Variants in GABBR1 observed in about 807,000 individuals in gnomAD.
GABBR1 encodes the protein GABA-B receptor, R1 subunit.
A neutral mutation model predicts 117.7 loss-of-function variants in GABBR1; 35 were observed. The ratio of observed to expected loss-of-function variants is 0.30; its 90% CI spans 0.23 to 0.39. The LOEUF (loss-of-function observed/expected upper bound fraction) is 0.39. GABBR1 is among the 10% of genes least tolerant of loss of function. The pLI is 1.00. For synonymous variants in GABBR1, 442 were observed against 486.6 expected (o/e 0.91, Z 1.21); for missense variants, 709 against 1,241.8 (o/e 0.57, Z 6.45).
At position 29,623,113 on chromosome 6, in the gene GABBR1, A is replaced by G. The variant is rs1019502018; in HGVS notation, c.963+192T>C. Among the ~76,000 whole-genome samples, 4 of 152,128 alleles carry G rather than the reference A, an allele frequency of 2.6e-5. No homozygotes were observed. The highest frequency in any genetic ancestry group is 5.9e-5 in the Non-Finnish European group (4 of 68,032). On this transcript the variant is annotated intron_variant, in intron 8 of 22. Transcript: ENST00000377034. The surrounding 1 kb of genome is among the most constrained non-coding windows in gnomAD (Gnocchi z 6.2). ...GGAAAAAAATCATAAAATCATAAAG[A>G]CAGAGAGGATCCCAAAAACTCAACT...
rs1475941183 is a variant in GABBR1, at chr6:29,627,155, T to C, written c.657+331A>G. On this transcript the variant is annotated intron_variant, in intron 6 of 22. Coordinates refer to ENST00000377034, the MANE Select transcript of GABBR1 (RefSeq NM_001470.4). This position sits in a 1 kb window ranked among gnomAD's most constrained non-coding sequence, Gnocchi z 4.4. ...CCAACCCATTCCAGGGTTAGTTTAC[T>C]CCCTCAGAGGATCAGTGTCTCCTAA... 3.3e-5 allele frequency among the ~76,000 whole-genome samples: 5 copies of C among 152,234 alleles called. No homozygotes were observed. The East Asian group carries it at 9.7e-4, about 30-fold the overall frequency.
rs1274768535 is a variant in GABBR1 at position 29,627,660 on chromosome 6, CG to C, written c.497-15del. 3.2e-6 allele frequency: 5 copies of C among 1,540,534 alleles called. No individual in the cohort carries two copies. Among genetic ancestry groups the C allele is most frequent in the African/African-American group, 1.4e-5 (1 of 73,136 alleles). On this transcript the variant is annotated splice_polypyrimidine_tract_variant and intron_variant, in intron 5 of 22. Transcript: ENST00000377034. The surrounding 1 kb of genome is among the most constrained non-coding windows in gnomAD (Gnocchi z 4.4). ...CTGCGCGCCGTTCTGAGGAGGGGTGCGGGGGGACCCGCGAGTGAGGCCGCGG... is the reference window on the plus strand; with the variant it reads ...CTGCGCGCCGTTCTGAGGAGGGGTGCGGGGGACCCGCGAGTGAGGCCGCGG...
chr6:29,606,135 C>G lies in GABBR1; in HGVS notation c.2311+256G>C, dbSNP rs779074304. On this transcript the variant is annotated intron_variant, in intron 19 of 22. Transcript: ENST00000377034. This position sits in a 1 kb window ranked among gnomAD's most constrained non-coding sequence, Gnocchi z 4.5. Reference sequence around the variant, plus strand: ...TCAAGTCTGGAGGTGGGGTTACCCCCACTTGTTCCTCTGCTGAACACAAGT... The same window carrying G: ...TCAAGTCTGGAGGTGGGGTTACCCCGACTTGTTCCTCTGCTGAACACAAGT... 2 of 561,014 alleles carry G rather than the reference C, an allele frequency of 3.6e-6. No individual in the cohort carries two copies. The highest frequency in any genetic ancestry group is 2.8e-5 in the East Asian group (1 of 35,442). The allele number at this position is 561,014 out of a possible 1,614,324, so 34.8% of individuals were successfully genotyped here. A position where few individuals can be genotyped will look rare whatever the true frequency, so the allele number is the denominator to read the frequency against.
intron 4 of GABBR1, chr6:29,629,323 A>G: frequency 1.5e-6 from 1 of 687,882 alleles, no homozygotes; most frequent in Non-Finnish European, 2.7e-6. Flanking sequence ...TCATAGGACA[A>G]CAGAATTTGA....
At position 29,602,363 on chromosome 6, in the gene GABBR1, T is replaced by C. The variant is rs1048510528; in HGVS notation, c.*1180A>G. ...TCCCAACAGTCAAGGGTGCCTTCCT[T>C]TGGTCAGGATTCTCATCAACTATCC... is the stretch of plus-strand genomic sequence containing the variant. On this transcript the variant is annotated 3_prime_UTR_variant, in exon 23 of 23. Transcript: ENST00000377034. The C allele has an allele frequency of 5.8e-5, 9 of 154,516 alleles. No homozygotes were observed. The highest frequency in any genetic ancestry group is 1.3e-4 in the Non-Finnish European group (9 of 69,566). 9.6% of individuals were successfully genotyped at this position (154,516 alleles called of 1,614,324 possible).
Position 29,603,723 on chromosome 6 carries a change from G to A in GABBR1, c.2713-7C>T. On this transcript the variant is annotated splice_region_variant and splice_polypyrimidine_tract_variant and intron_variant, in intron 22 of 22. Coordinates refer to ENST00000377034, the MANE Select transcript of GABBR1 (RefSeq NM_001470.4). ...CAGAGACACGCTCCTCTTTCTGGAGGAAGAAGCACAATTGGGATAGTAGGA... is the reference window on the plus strand; with the variant it reads ...CAGAGACACGCTCCTCTTTCTGGAGAAAGAAGCACAATTGGGATAGTAGGA... 1 of 1,479,102 alleles carries A rather than the reference G, an allele frequency of 6.8e-7. No individual in the cohort carries two copies. The highest frequency in any genetic ancestry group is 8.9e-7 in the Non-Finnish European group (1 of 1,117,444). The allele number at this position is 1,479,102 out of a possible 1,614,324, so 91.6% of individuals were successfully genotyped here. A position where few individuals can be genotyped will look rare whatever the true frequency, so the allele number is the denominator to read the frequency against.
At position 29,604,541 on chromosome 6, in the gene GABBR1, G is replaced by T. The variant is rs1439541952; in HGVS notation, c.2665C>A (p.Arg889=). Residue 889 remains arginine, a synonymous_variant, in exon 22 of 23, where the codon CGG becomes AGG. Transcript: ENST00000377034. This position sits in a 1 kb window ranked among gnomAD's most constrained non-coding sequence, Gnocchi z 5.3. The stretch of plus-strand genomic sequence containing the variant: ...TCACGGTTCTCCTTCTCCAACAGCC[G>T]GGACTTCTCCTCCTCGTTGTTGTTG... ...STNNNEEEKS[R]LLEKENRELE... 1 of 1,613,118 alleles carries T rather than the reference G, an allele frequency of 6.2e-7. No individual in the cohort carries two copies. Among genetic ancestry groups the T allele is most frequent in the Non-Finnish European group, 8.5e-7 (1 of 1,180,028 alleles).
In GABBR1 at chr6:29,623,172, T is replaced by C; in HGVS notation, c.963+133A>G. On this transcript the variant is annotated intron_variant, in intron 8 of 22. Coordinates refer to ENST00000377034, the MANE Select transcript of GABBR1 (RefSeq NM_001470.4). This position sits in a 1 kb window ranked among gnomAD's most constrained non-coding sequence, Gnocchi z 6.2. ...CCCCTGGCTACAGAAAGAACTGCAC[T>C]TAATCCACATGGAATGCGTTCTCTT... is the stretch of plus-strand genomic sequence containing the variant. 1.3e-6 allele frequency: 1 copy of C among 770,954 alleles called. No homozygotes were observed. The highest frequency in any genetic ancestry group is 2.1e-6 in the Non-Finnish European group (1 of 479,902). The allele number at this position is 770,954 out of a possible 1,614,324, so 47.8% of individuals were successfully genotyped here.
chr6:29,603,229 G>A lies in GABBR1; in HGVS notation c.*314C>T. ...GTAACTAGAAGAGGGTGTTGCATGG[G>A]AAGAGAAAGATGCAGTGAGGCTGCT... is the stretch of plus-strand genomic sequence containing the variant. On this transcript the variant is annotated 3_prime_UTR_variant, in exon 23 of 23. Transcript: ENST00000377034. 1 of 566,612 alleles carries A rather than the reference G, an allele frequency of 1.8e-6. No individual in the cohort carries two copies. The highest frequency in any genetic ancestry group is 3.4e-6 in the Non-Finnish European group (1 of 297,658). 35.1% of individuals were successfully genotyped at this position (566,612 alleles called of 1,614,324 possible).
chr6:29,628,244 G>T, intron 5 of GABBR1: 2 of 920,162 alleles, frequency 2.2e-6, no homozygotes, highest in South Asian at 5.1e-5. Context: ...GGAAGGGAGG[G>T]ATCTCACTTA....
chr6:29,626,670 C>T (rs938230034), intron 6 of GABBR1, among the ~76,000 whole-genome samples: 2 of 152,044 alleles, frequency 1.3e-5, no homozygotes, highest in African/African-American at 2.4e-5. Context: ...GACCCAAGTT[C>T]CATAAGGTGC....
At chr6:29,610,068 TAAAAAAA>T (rs28383948) in intron 14 of GABBR1, among the ~76,000 whole-genome samples, 1 of 125,264 alleles carries the variant, frequency 8.0e-6, no homozygotes, top group Non-Finnish European at 1.7e-5. Context: ...ATTCGAATTG[TAAAAAAA>T]AAAAAAAAAG....
At position 29,630,286 on chromosome 6, in the gene GABBR1, A is replaced by G; in HGVS notation, c.475+172T>C. The G allele has an allele frequency of 1.7e-6, 1 of 591,496 alleles. No individual in the cohort carries two copies. The highest frequency in any genetic ancestry group is 3.0e-6 in the Non-Finnish European group (1 of 336,200). 36.6% of individuals were successfully genotyped at this position (591,496 alleles called of 1,614,324 possible). ...CCTACAGAGGATACCGGGGACTGCA[A>G]GAGGAAGTTTGAGGCAGGTGATGGA... On this transcript the variant is annotated intron_variant, in intron 4 of 22. Transcript: ENST00000377034. This position sits in a 1 kb window ranked among gnomAD's most constrained non-coding sequence, Gnocchi z 4.9.
rs866166371 is a variant in GABBR1, at chr6:29,604,917, G to C, written c.2511C>G (p.Ala837=). 3.1e-6 allele frequency: 5 copies of C among 1,613,156 alleles called. No individual in the cohort carries two copies. In the Middle Eastern group the frequency reaches 6.6e-4, roughly 213 times the overall value. The part of the protein sequence containing the change: ...SSQQDAAFAF[A]SLAIVFSSYI... Reference sequence around the variant, plus strand: ...AGGAGGAGAAAACTATGGCAAGAGAGGCAAAGGCAAAGGCTGCATCCTGCT... The same window carrying C: ...AGGAGGAGAAAACTATGGCAAGAGACGCAAAGGCAAAGGCTGCATCCTGCT... Residue 837 remains alanine (A), a synonymous_variant, in exon 21 of 23, where the codon GCC becomes GCG. Transcript: ENST00000377034. The surrounding 1 kb of genome is among the most constrained non-coding windows in gnomAD (Gnocchi z 5.3).
chr6:29,631,416 A>T lies in GABBR1; in HGVS notation c.269T>A (p.Met90Lys). 1 of 1,614,084 alleles carries T rather than the reference A, an allele frequency of 6.2e-7. No homozygotes were observed. Among genetic ancestry groups the T allele is most frequent in the Non-Finnish European group, 8.5e-7 (1 of 1,180,026 alleles). The stretch of plus-strand genomic sequence containing the variant: ...CTCACCACAGCGGCTGGGTGTGTCC[A>T]TATCTGTCCAGGAGCCGTTGGCCAG... ...KCLANGSWTD[M>K]DTPSRCVRIC... Residue 90 changes from methionine (M) to lysine (K), a missense_variant, in exon 3 of 23, where the codon ATG becomes AAG. Met to Lys is a moderately conservative substitution (Grantham distance 95, BLOSUM62 -1). This residue lies in a region of GABBR1 where 101 missense variants were observed against 132.3 expected (regional missense o/e 0.76). Coordinates refer to ENST00000377034, the MANE Select transcript of GABBR1 (RefSeq NM_001470.4). This position sits in a 1 kb window ranked among gnomAD's most constrained non-coding sequence, Gnocchi z 5.9.
In GABBR1 at chr6:29,632,815, T is replaced by C; in HGVS notation, c.-1+35A>G. 1.8e-6 allele frequency: 1 copy of C among 570,858 alleles called. No individual in the cohort carries two copies. The highest frequency in any genetic ancestry group is 2.3e-6 in the Non-Finnish European group (1 of 428,174). 35.4% of individuals were successfully genotyped at this position (570,858 alleles called of 1,614,324 possible). A position where few individuals can be genotyped will look rare whatever the true frequency, so the allele number is the denominator to read the frequency against. On this transcript the variant is annotated intron_variant, in intron 1 of 22. Coordinates refer to ENST00000377034, the MANE Select transcript of GABBR1 (RefSeq NM_001470.4). The surrounding 1 kb of genome is among the most constrained non-coding windows in gnomAD (Gnocchi z 5.8). ...CCCCCACCACGCCGCGCGCCCCCTC[T>C]CCGAGCCCTGCTAACCCGGGGCCCT... is the stretch of plus-strand genomic sequence containing the variant.
chr6:29,608,295 T>C (rs1041606030), intron 16 of GABBR1, among the ~76,000 whole-genome samples: 1 of 152,180 alleles, frequency 6.6e-6, no homozygotes, highest in Non-Finnish European at 1.5e-5. Context: ...CAAGCCACCA[T>C]TGTTCAGGAG....
chr6:29,613,152 A>C lies in GABBR1; in HGVS notation c.1566+91T>G. 2.9e-6 allele frequency: 4 copies of C among 1,379,726 alleles called. No individual in the cohort carries two copies. The highest frequency in any genetic ancestry group is 4.0e-6 in the Non-Finnish European group (4 of 989,556). 85.5% of individuals were successfully genotyped at this position (1,379,726 alleles called of 1,614,324 possible). On this transcript the variant is annotated intron_variant, in intron 12 of 22. Transcript: ENST00000377034. This position sits in a 1 kb window ranked among gnomAD's most constrained non-coding sequence, Gnocchi z 4.1. ...GATTCTGCAAAGAAGTAACTGAGAA[A>C]AACAGAGAATGCATGTTTGTAGAAG...
chr6:29,631,676 G>C lies in GABBR1; in HGVS notation c.86-77C>G, dbSNP rs1764990402. The C allele has an allele frequency of 7.8e-6, 10 of 1,281,104 alleles. No individual in the cohort carries two copies. Among genetic ancestry groups the C allele is most frequent in the Non-Finnish European group, 1.1e-5 (10 of 884,358 alleles). The allele number at this position is 1,281,104 out of a possible 1,614,324, so 79.4% of individuals were successfully genotyped here. On this transcript the variant is annotated intron_variant, in intron 2 of 22. Coordinates refer to ENST00000377034, the MANE Select transcript of GABBR1 (RefSeq NM_001470.4). This position sits in a 1 kb window ranked among gnomAD's most constrained non-coding sequence, Gnocchi z 5.9. ...AAGGCAGGCTCCCCAGTGGGAGGAA[G>C]GGGAGAGTAGGGCGTGGTCTGTGGG...
Sources: gnomAD v4.1 joint callset for allele counts (sites outside exome capture counted in the v4.1 genomes callset) on GRCh38, gnomAD v4.1.1 for gene constraint, gnomAD v4.1.1 regional missense constraint, Gnocchi (gnomAD v3.1) non-coding constraint, MANE v1.5 for transcripts, NCBI Gene and HGNC (gene_info 2026-07-23, HGNC 2026-07-21) for gene names.